Variants in AFF3 observed in about 807,000 individuals in gnomAD.
The protein encoded by AFF3 is AF4/FMR2 family member 3.
AFF3 carries 32 observed loss-of-function variants against 129.7 expected under a neutral mutation model. The observed-to-expected ratio is 0.25, with a 90% CI of 0.19 to 0.33. The LOEUF is 0.33. Among genes scored for constraint, AFF3 ranks in the 10% least tolerant of loss-of-function variants. The pLI, the probability that AFF3 is intolerant of heterozygous loss-of-function variation, is 1.00. For missense variants in AFF3, 1,373 were observed against 1,592.0 expected, an observed-to-expected ratio of 0.86 and a Z score of 2.34; for synonymous variants, 644 against 635.4, an observed-to-expected ratio of 1.01 and a Z score of -0.20.
chr2:99,970,553 C>T (rs921272725), intron 7 of AFF3, among the ~76,000 whole-genome samples: 3 of 152,208 alleles, frequency 2.0e-5, no homozygotes, highest in Non-Finnish European at 2.9e-5. Flanking sequence ...TAAAAGTCAA[C>T]GACAAGCTTC....
intron 12 of AFF3, among the ~76,000 whole-genome samples, chr2:99,652,094 G>A (rs922147065): frequency 1.3e-5 from 2 of 152,152 alleles, no homozygotes; most frequent in Non-Finnish European, 2.9e-5. Context: ...GCCGGTGTCA[G>A]TACATATCTG....
chr2:99,693,248 T>C (rs567324714), intron 11 of AFF3, among the ~76,000 whole-genome samples: 1 of 152,360 alleles, frequency 6.6e-6, no homozygotes, highest in Admixed American at 6.5e-5. Flanking sequence ...CATTAACTAA[T>C]AGTAACATTA....
chr2:99,817,549 T>A (rs1285392472), intron 8 of AFF3, among the ~76,000 whole-genome samples: 1 of 152,124 alleles, frequency 6.6e-6, no homozygotes, highest in Admixed American at 6.5e-5. Context: ...TATTGCTGAG[T>A]TTTTATTTTG....
chr2:99,708,890 A>AAT (rs1484200046), intron 11 of AFF3, among the ~76,000 whole-genome samples: 3 of 152,360 alleles, frequency 2.0e-5, no homozygotes, highest in African/African-American at 7.2e-5. Flanking sequence ...ATTGATATTC[A>AAT]GTATTTTGGA....
At chr2:100,015,414 G>A (rs1422153681) in intron 4 of AFF3, among the ~76,000 whole-genome samples, 1 of 152,144 alleles carries the variant, frequency 6.6e-6, no homozygotes, top group Non-Finnish European at 1.5e-5. Context: ...AGCCATGAGG[G>A]TGAGGAGGAA....
intron 8 of AFF3, 54 bp downstream of exon 8, chr2:99,837,423 T>C: frequency 6.5e-7 from 1 of 1,541,734 alleles, no homozygotes. Flanking sequence ...GTTTCCTTTC[T>C]ATTTAGAGTC....
At chr2:99,552,778 A>T (rs1273987613) in intron 24 of AFF3, among the ~76,000 whole-genome samples, 1 of 152,184 alleles carries the variant, frequency 6.6e-6, no homozygotes, top group African/African-American at 2.4e-5. Flanking sequence ...GGTAGGAGAC[A>T]TCTAGCAGGC....
chr2:99,633,073 T>C (rs114942248), intron 13 of AFF3, among the ~76,000 whole-genome samples: 2,271 of 152,190 alleles, frequency 0.015, 47 homozygotes, highest in African/African-American at 0.051. Flanking sequence ...GGAATCAGCT[T>C]TTTGTTTTAC....
chr2:99,699,072 A>G (rs564881387), intron 11 of AFF3, among the ~76,000 whole-genome samples: 184 of 152,368 alleles, frequency 1.2e-3, no homozygotes, highest in African/African-American at 4.3e-3. Flanking sequence ...TGCATACCTG[A>G]GCAACCACAC....
intron 13 of AFF3, among the ~76,000 whole-genome samples, chr2:99,648,876 A>AACAC (rs1183425993): frequency 9.1e-5 from 3 of 32,818 alleles, no homozygotes; most frequent in East Asian, 1.7e-3. Context: ...AGTTCCTCAA[A>AACAC]ACACGCGCGC....
At chr2:100,009,238 C>T (rs900245281) in intron 4 of AFF3, among the ~76,000 whole-genome samples, 4 of 151,858 alleles carry the variant, frequency 2.6e-5, no homozygotes, top group East Asian at 1.9e-4. Context: ...TTAAGGCAGA[C>T]GGTAATTACA....
rs776241053 is a variant in AFF3, at chr2:99,554,386, C to A, written c.3484G>T (p.Val1162Phe). 22 of 1,614,176 alleles carry A rather than the reference C, an allele frequency of 1.4e-5. No individual in the cohort carries two copies. In the East Asian group the frequency reaches 4.9e-4, roughly 36 times the overall value. The change falls in exon 24 of 25, where the codon GTC (valine) becomes TTC (phenylalanine). Residue 1162 changes from valine to phenylalanine, a missense_variant. Val to Phe is a conservative substitution (Grantham distance 50). This residue lies in a region of AFF3 where 165 missense variants were observed against 234.0 expected (regional missense o/e 0.71). Transcript: ENST00000672756. ...TGCAGGATGCTGTTGGTGATGCTGA[C>A]GTGGTTGGCCGCCATCTGGTGGATG... is the stretch of plus-strand genomic sequence containing the variant. ...QRIHQMAANH[V>F]SITNSILHSY... is the part of the protein sequence containing the mutation.
chr2:100,036,839 A>AG (rs1684957779), intron 4 of AFF3, among the ~76,000 whole-genome samples: 1 of 147,294 alleles, frequency 6.8e-6, no homozygotes, highest in Non-Finnish European at 1.5e-5. Flanking sequence ...AAACAGAAAA[A>AG]AAAAAAAAGA....
intron 8 of AFF3, among the ~76,000 whole-genome samples, chr2:99,762,145 G>C (rs10190366): frequency 7.6e-6 from 1 of 131,880 alleles, no homozygotes; most frequent in Middle Eastern, 4.4e-3. Flanking sequence ...TTTTTTTTCA[G>C]ATGGAGTCTC....
At chr2:99,755,727 A>T (rs148448156) in intron 8 of AFF3, among the ~76,000 whole-genome samples, 1 of 152,324 alleles carries the variant, frequency 6.6e-6, no homozygotes, top group East Asian at 1.9e-4. Flanking sequence ...TTCGTCTTGA[A>T]GATTCGGAAT....
rs146175443 is a variant in AFF3 at position 100,025,418 on chromosome 2, A to G, written c.54-16486T>C. Among the ~76,000 whole-genome samples the G allele has an allele frequency of 6.2e-3, 942 of 152,324 alleles. 12 individuals are homozygous for G. The highest frequency in any genetic ancestry group is 0.022 in the African/African-American group (908 of 41,562). On this transcript the variant is annotated intron_variant, in intron 4 of 24. Transcript: ENST00000672756. ...TCACAGATGACACAAACAAATGGAAACACATCCCATGCTCATGGATGGGTA... is the reference window on the plus strand; with the variant it reads ...TCACAGATGACACAAACAAATGGAAGCACATCCCATGCTCATGGATGGGTA...
chr2:99,636,757 G>T (rs763858526), intron 13 of AFF3, among the ~76,000 whole-genome samples: 54 of 152,300 alleles, frequency 3.5e-4, no homozygotes, highest in Admixed American at 1.4e-3. Flanking sequence ...ACAGGAAAGG[G>T]AGTTGGACGG....
intron 10 of AFF3, among the ~76,000 whole-genome samples, chr2:99,740,925 A>C (rs1054082273): frequency 6.6e-6 from 1 of 152,128 alleles, no homozygotes; most frequent in African/African-American, 2.4e-5. Flanking sequence ...TAGGGTTTTT[A>C]TGGTTTTAGG....
At chr2:99,745,100 A>C (rs1323598353) in intron 9 of AFF3, among the ~76,000 whole-genome samples, 5 of 152,152 alleles carry the variant, frequency 3.3e-5, no homozygotes, top group African/African-American at 1.2e-4. Context: ...ATCTCACTGC[A>C]GTTTTGATTT....
Sources: allele counts gnomAD v4.1 joint callset (sites outside exome capture counted in the v4.1 genomes callset), GRCh38; gene constraint gnomAD v4.1.1; regional missense constraint gnomAD v4.1.1; transcripts MANE v1.5; gene names NCBI Gene and HGNC (gene_info 2026-07-23, HGNC 2026-07-21).